The following CASTOR1 variants were observed in gnomAD, a reference collection of about 807,000 sequenced individuals.
The protein encoded by CASTOR1 is GATS protein like 3.
Under a neutral mutation model 33.7 loss-of-function variants are expected in CASTOR1, and 18 were observed. The ratio of observed to expected loss-of-function variants is 0.53; its 90% CI spans 0.37 to 0.79. CASTOR1 has a LOEUF of 0.79. Ranked by LOEUF, CASTOR1 falls within the 30% of genes least tolerant of loss-of-function variation. The pLI is 0.00. For missense variants in CASTOR1, 362 were observed against 446.3 expected (o/e 0.81, Z 1.70); for synonymous variants, 175 against 190.6 (o/e 0.92, Z 0.67).
At chr22:30,285,993 C>A (rs765264145) in intron 7 of CASTOR1, 23 bp downstream of exon 7, 1 of 1,587,628 alleles carries the variant, frequency 6.3e-7, no homozygotes, top group Non-Finnish European at 8.6e-7. Context: ...CCCCAGCCCC[C>A]CAACACCGGG....
At chr22:30,286,429 C>T (rs1385131277) in intron 5 of CASTOR1, 53 bp from the exon 6 acceptor site, 4 of 1,234,976 alleles carry the variant, frequency 3.2e-6, no homozygotes, top group Middle Eastern at 1.9e-4. Context: ...GCCTACTGCC[C>T]CTGCTCCCGA....
At chr22:30,289,339 G>T in intron 1 of CASTOR1, 46 bp downstream of exon 1, 1 of 1,343,180 alleles carries the variant, frequency 7.4e-7, no homozygotes, top group Non-Finnish European at 1.1e-6. Context: ...CGGAGCGAGA[G>T]CAGAGCCCCC....
rs1276518694 is a variant in CASTOR1 at position 30,287,433 on chromosome 22, T to A, written c.312A>T (p.Pro104=). The A allele has an allele frequency of 6.2e-7, 1 of 1,613,296 alleles. No homozygotes were observed. The highest frequency in any genetic ancestry group is 8.5e-7 in the Non-Finnish European group (1 of 1,180,040). ...VTKIARSVIA[P]LAEHHVSVLM... ...GCACAGACACGTGGTGCTCGGCCAG[T>A]GGCGCGATGACCGAACGGGCGATCT... Residue 104 remains proline, a synonymous_variant, in exon 3 of 9, where the codon CCA becomes CCT. Coordinates refer to ENST00000407689, the MANE Select transcript of CASTOR1 (RefSeq NM_001037666.3).
At chr22:30,289,285 C>CTGCA (rs1569156886) in intron 1 of CASTOR1, 100 bp downstream of exon 1, 2 of 917,632 alleles carry the variant, frequency 2.2e-6, no homozygotes, top group Middle Eastern at 2.3e-4. Flanking sequence ...TCCCGCCCGC[C>CTGCA]TGCCTGCCTG....
intron 2 of CASTOR1, chr22:30,287,898 G>T (rs1177266718): frequency 1.9e-6 from 1 of 535,558 alleles, no homozygotes; most frequent in Non-Finnish European, 3.6e-6. Flanking sequence ...CCTCACTACG[G>T]TGTCTTCTGT....
chr22:30,288,195 T>G (rs1428457815), intron 2 of CASTOR1, among the ~76,000 whole-genome samples: 6 of 152,226 alleles, frequency 3.9e-5, no homozygotes, highest in African/African-American at 1.4e-4. Flanking sequence ...GGCCAGGGCC[T>G]GGGTGGCTGC....
chr22:30,286,411 G>A, intron 5 of CASTOR1, 35 bp from the exon 6 acceptor site: 1 of 1,416,514 alleles, frequency 7.1e-7, no homozygotes, highest in Non-Finnish European at 1.0e-6. Context: ...GGCTCTACCA[G>A]GCACCCAGCC....
chr22:30,286,846 T>A lies in CASTOR1; in HGVS notation c.608A>T (p.Asp203Val). 6.2e-7 allele frequency: 1 copy of A among 1,614,070 alleles called. No homozygotes were observed. Among genetic ancestry groups the A allele is most frequent in the African/African-American group, 1.3e-5 (1 of 74,990 alleles). Residue 203 changes from aspartate (D) to valine (V), a missense_variant, in exon 5 of 9, where the codon GAT becomes GTT. Physicochemically the swap from Asp to Val is radical, Grantham distance 152. Coordinates refer to ENST00000407689, the MANE Select transcript of CASTOR1 (RefSeq NM_001037666.3). ...TLPAIATTLI[D>V]VLFYSHSTPK... ...CCACCTGTGCGAGTAGAAGAGGACA[T>A]CTATGAGGGTGGTGGCGATGGCTGG...
chr22:30,288,851 C>T (rs1929856082), intron 1 of CASTOR1, 75 bp from the exon 2 acceptor site: 4 of 1,249,186 alleles, frequency 3.2e-6, no homozygotes, highest in Admixed American at 4.8e-5. Context: ...CTCCATCTGC[C>T]CCGAGACACC....
chr22:30,286,570 T>G, intron 5 of CASTOR1, 194 bp from the exon 6 acceptor site: 1 of 662,606 alleles, frequency 1.5e-6, no homozygotes, highest in Non-Finnish European at 2.6e-6. Context: ...GAACCCAGCC[T>G]GTGCCAAAAA....
chr22:30,288,659 G>T (rs766588856), intron 2 of CASTOR1, 47 bp downstream of exon 2: 2 of 1,503,612 alleles, frequency 1.3e-6, no homozygotes, highest in South Asian at 2.3e-5. Context: ...CAGAAGGGGA[G>T]CACGACAAGC....
chr22:30,288,493 T>C (rs1294402746), intron 2 of CASTOR1, among the ~76,000 whole-genome samples: 2 of 152,078 alleles, frequency 1.3e-5, no homozygotes, highest in Non-Finnish European at 2.9e-5. Context: ...ACCATAACTA[T>C]ACCCATTTTA....
Position 30,287,489 on chromosome 22 carries a change from C to G in CASTOR1, c.256G>C (p.Gly86Arg), listed in dbSNP as rs770608537. 1 of 1,613,258 alleles carries G rather than the reference C, an allele frequency of 6.2e-7. No individual in the cohort carries two copies. Among genetic ancestry groups the G allele is most frequent in the East Asian group, 2.2e-5 (1 of 44,894 alleles). Reference protein sequence around the residue: ...WLVLNVSSHSGAAVQAAGVTK... With the variant: ...WLVLNVSSHSRAAVQAAGVTK... The stretch of plus-strand genomic sequence containing the variant: ...ACCCCAGCAGCCTGCACTGCCGCAC[C>G]GCTGTGAGACGACACGTTCAGCACC... Residue 86 changes from glycine to arginine, a missense_variant, in exon 3 of 9, where the codon GGT (glycine) becomes CGT (arginine). Gly to Arg is a moderately radical substitution (Grantham distance 125). Transcript: ENST00000407689.
chr22:30,285,993 C>T, intron 7 of CASTOR1, 23 bp downstream of exon 7: 2 of 1,587,630 alleles, frequency 1.3e-6, no homozygotes, highest in Non-Finnish European at 1.7e-6. Flanking sequence ...CCCCAGCCCC[C>T]CAACACCGGG....
Position 30,285,677 on chromosome 22 carries a change from G to A in CASTOR1, c.933C>T (p.Asp311=), listed in dbSNP as rs747175965. ...GGACCTCGATGACGCTGCCGATACCGTCCTCGGGCACCTGAGGGCAGGTGG... is the reference window on the plus strand; with the variant it reads ...GGACCTCGATGACGCTGCCGATACCATCCTCGGGCACCTGAGGGCAGGTGG... ...FNFDHALVPE[D]GIGSVIEVLQ... The change falls in exon 9 of 9, where the codon GAC becomes GAT. Residue 311 remains aspartate, a synonymous_variant. Transcript: ENST00000407689. The A allele has an allele frequency of 6.4e-5, 101 of 1,567,444 alleles. No homozygotes were observed. The highest frequency in any genetic ancestry group is 7.8e-5 in the Non-Finnish European group (90 of 1,156,476).
Position 30,287,531 on chromosome 22 carries a change from C to G in CASTOR1, c.214G>C (p.Ala72Pro). The change falls in exon 3 of 9, where the codon GCT (alanine) becomes CCT (proline). Residue 72 changes from alanine to proline, a missense_variant. Ala to Pro is a conservative substitution (Grantham distance 27, BLOSUM62 -1). Transcript: ENST00000407689. The stretch of plus-strand genomic sequence containing the variant: ...TTCAGCACCAGCCATGTGGCCTCAG[C>G]TACTTGCAGGAACTCAGATGGGGGC... ...ELPPSEFLQV[A>P]EATWLVLNVS... The G allele has an allele frequency of 6.2e-7, 1 of 1,613,064 alleles. No homozygotes were observed. The highest frequency in any genetic ancestry group is 8.5e-7 in the Non-Finnish European group (1 of 1,179,866).
intron 5 of CASTOR1, 44 bp downstream of exon 5, chr22:30,286,781 A>G: frequency 6.2e-7 from 1 of 1,612,862 alleles, no homozygotes; most frequent in Non-Finnish European, 8.5e-7. Flanking sequence ...GACAGAGTGT[A>G]GGGAACAGTG....
At chr22:30,289,272 C>T in intron 1 of CASTOR1, 113 bp downstream of exon 1, 1 of 830,884 alleles carries the variant, frequency 1.2e-6, no homozygotes, top group South Asian at 1.5e-5. Flanking sequence ...CCTCCCCACC[C>T]GCTCCCGCCC....
chr22:30,285,221 C>T lies in CASTOR1; in HGVS notation c.*399G>A, dbSNP rs963982709. On this transcript the variant is annotated 3_prime_UTR_variant, in exon 9 of 9. Transcript: ENST00000407689. The stretch of plus-strand genomic sequence containing the variant: ...AGGAGGGAGAGGCACTGTCAGGACT[C>T]ACCTGGCCAGGGAAGGCAACCCCAC... 2 of 181,380 alleles carry T rather than the reference C, an allele frequency of 1.1e-5. No individual in the cohort carries two copies. Among genetic ancestry groups the T allele is most frequent in the East Asian group, 3.1e-4 (2 of 6,520 alleles). 11.2% of individuals were successfully genotyped at this position (181,380 alleles called of 1,614,324 possible). A position where few individuals can be genotyped will look rare whatever the true frequency, so the allele number is the denominator to read the frequency against.
Sources: allele counts gnomAD v4.1 joint callset (sites outside exome capture counted in the v4.1 genomes callset), GRCh38; gene constraint gnomAD v4.1.1; transcripts MANE v1.5; gene names NCBI Gene and HGNC (gene_info 2026-07-23, HGNC 2026-07-21).